MFAP4: variants seen among roughly 807,000 people sequenced by gnomAD.
The protein encoded by MFAP4 is microfibril-associated glycoprotein 4.
MFAP4 carries 20 observed loss-of-function variants against 32.4 expected under a neutral mutation model. The observed-to-expected ratio is 0.62, with a 90% CI of 0.43 to 0.90. The LOEUF (loss-of-function observed/expected upper bound fraction) is 0.90, where lower values mean the gene tolerates loss of function less well. MFAP4 is among the 40% of genes least tolerant of loss of function. The pLI, the probability that MFAP4 is intolerant of heterozygous loss-of-function variation, is 0.00. For synonymous variants in MFAP4, 146 were observed against 137.4 expected (o/e 1.06, Z -0.44); for missense variants, 267 against 329.5 (o/e 0.81, Z 1.47).
intron 2 of MFAP4, 65 bp from the exon 3 acceptor site, chr17:19,386,529 C>T (rs1264571119): frequency 1.4e-5 from 21 of 1,552,638 alleles, no homozygotes; most frequent in Non-Finnish European, 1.8e-5. Context: ...ACCTCAGCAC[C>T]CCAAGGTTTG....
At chr17:19,385,538 C>T (rs777619218) in intron 3 of MFAP4, 84 bp from the exon 4 acceptor site, 2 of 1,269,058 alleles carry the variant, frequency 1.6e-6, no homozygotes, top group Non-Finnish European at 2.3e-6. Context: ...AAGCATGGAC[C>T]CTGTGATGCT....
Position 19,384,362 on chromosome 17 carries a change from C to A in MFAP4, c.*100G>T. 7.2e-7 allele frequency: 1 copy of A among 1,391,590 alleles called. No homozygotes were observed. Among genetic ancestry groups the A allele is most frequent in the South Asian group, 1.4e-5 (1 of 71,454 alleles). 86.2% of individuals were successfully genotyped at this position (1,391,590 alleles called of 1,614,324 possible). ...AAGGCCCCCTTGTAAGGAGTTGGTG[C>A]TCGGGAATCAGCAGAAGCATGCATC... On this transcript the variant is annotated 3_prime_UTR_variant, in exon 6 of 6. Coordinates refer to ENST00000299610, the MANE Select transcript of MFAP4 (RefSeq NM_002404.3).
At chr17:19,384,948 G>T in intron 5 of MFAP4, 151 bp downstream of exon 5, 1 of 1,118,868 alleles carries the variant, frequency 8.9e-7, no homozygotes, top group Non-Finnish European at 1.3e-6. Context: ...TGAGGCCCAA[G>T]CTGGTTTGAG....
chr17:19,386,389 A>T lies in MFAP4; in HGVS notation c.161T>A (p.Val54Glu). 1 of 1,613,832 alleles carries T rather than the reference A, an allele frequency of 6.2e-7. No homozygotes were observed. Among genetic ancestry groups the T allele is most frequent in the South Asian group, 1.1e-5 (1 of 91,018 alleles). The change falls in exon 3 of 6, where the codon GTG (valine) becomes GAG (glutamate). Residue 54 changes from valine to glutamate, a missense_variant. Val to Glu is a moderately radical substitution (Grantham distance 121). This residue lies in a region of MFAP4 where 223 missense variants were observed against 253.3 expected (regional missense o/e 0.88). Coordinates refer to ENST00000299610, the MANE Select transcript of MFAP4 (RefSeq NM_002404.3). Reference protein sequence around the residue: ...IYAQGYQSDGVYLIYPSGPSV... With the variant: ...IYAQGYQSDGEYLIYPSGPSV... Reference sequence around the variant, plus strand: ...GGGGCCCGAGGGGTAGATGAGGTACACGCCGTCTGACTGGTAGCCCTGGGC... The same window carrying T: ...GGGGCCCGAGGGGTAGATGAGGTACTCGCCGTCTGACTGGTAGCCCTGGGC...
chr17:19,384,268 G>A lies in MFAP4; in HGVS notation c.*194C>T. The A allele has an allele frequency of 1.6e-6, 1 of 639,468 alleles. No individual in the cohort carries two copies. Among genetic ancestry groups the A allele is most frequent in the Non-Finnish European group, 2.7e-6 (1 of 376,908 alleles). The allele number at this position is 639,468 out of a possible 1,614,324, so 39.6% of individuals were successfully genotyped here. On this transcript the variant is annotated 3_prime_UTR_variant, in exon 6 of 6. Transcript: ENST00000299610. ...CTGGCAGTGTAACTTCAGGTGTAGG[G>A]GAGCCGGGTCTGGCTTAGGAATGGA... is the stretch of plus-strand genomic sequence containing the variant.
rs1305010927 is a variant in MFAP4 at position 19,386,846 on chromosome 17, T to C, written c.7-8A>G. ...CGGCAGGGCCAGGAGTGCCTGGCGATGGGCAGACAGGGTCAGCACAGCCCC... is the reference window on the plus strand; with the variant it reads ...CGGCAGGGCCAGGAGTGCCTGGCGACGGGCAGACAGGGTCAGCACAGCCCC... On this transcript the variant is annotated splice_region_variant and splice_polypyrimidine_tract_variant and intron_variant, in intron 1 of 5. Coordinates refer to ENST00000299610, the MANE Select transcript of MFAP4 (RefSeq NM_002404.3). 1 of 1,557,264 alleles carries C rather than the reference T, an allele frequency of 6.4e-7. No individual in the cohort carries two copies. Among genetic ancestry groups the C allele is most frequent in the South Asian group, 1.2e-5 (1 of 84,446 alleles).
At chr17:19,385,052 C>T (rs1912974870) in intron 5 of MFAP4, 47 bp downstream of exon 5, 3 of 1,586,082 alleles carry the variant, frequency 1.9e-6, no homozygotes, top group African/African-American at 1.3e-5. Context: ...GCCAGCCCTG[C>T]CTTCTTTCCC....
chr17:19,385,034 TGG>T lies in MFAP4; in HGVS notation c.520+63_520+64del, dbSNP rs1341513446. ...GGGCCTGAAGGAGGTTGGGGCTGACTGGGCAGGGCCAGCCCTGCCTTCTTTCC... is the reference window on the plus strand; with the variant it reads ...GGGCCTGAAGGAGGTTGGGGCTGACTGCAGGGCCAGCCCTGCCTTCTTTCC... On this transcript the variant is annotated intron_variant, in intron 5 of 5. Transcript: ENST00000299610. 1.9e-6 allele frequency: 3 copies of T among 1,540,966 alleles called. No homozygotes were observed. The African/African-American group carries it at 4.1e-5, about 21-fold the overall frequency.
In MFAP4 at chr17:19,383,756, A is replaced by G. The variant is rs1309385508; in HGVS notation, c.*706T>C. On this transcript the variant is annotated 3_prime_UTR_variant, in exon 6 of 6. Coordinates refer to ENST00000299610, the MANE Select transcript of MFAP4 (RefSeq NM_002404.3). ...GCTCCCTCATGTGGCTAAACCTCTCAACACCCAGAGGGTATGGGGAAGACC... is the reference window on the plus strand; with the variant it reads ...GCTCCCTCATGTGGCTAAACCTCTCGACACCCAGAGGGTATGGGGAAGACC... The G allele has an allele frequency of 6.5e-6, 1 of 153,812 alleles. No individual in the cohort carries two copies. The highest frequency in any genetic ancestry group is 1.4e-5 in the Non-Finnish European group (1 of 69,268). The allele number at this position is 153,812 out of a possible 1,614,324, so 9.5% of individuals were successfully genotyped here.
In MFAP4 at chr17:19,386,291, G is replaced by C. The variant is rs1300550945; in HGVS notation, c.240+19C>G. 6.4e-7 allele frequency: 1 copy of C among 1,569,506 alleles called. No homozygotes were observed. The highest frequency in any genetic ancestry group is 1.9e-5 in the Admixed American group (1 of 53,896). ...GGGATTAGAACCAGCTCTGGCCTCT[G>C]TTCCCTCCTCCCACTCACCGTCCAC... is the stretch of plus-strand genomic sequence containing the variant. On this transcript the variant is annotated intron_variant, in intron 3 of 5. Transcript: ENST00000299610.
chr17:19,385,020 A>AGGTT lies in MFAP4; in HGVS notation c.520+75_520+78dup. ...AAGGGTTGAAGGAGGGGCCTGAAGG[A>AGGTT]GGTTGGGGCTGACTGGGCAGGGCCA... On this transcript the variant is annotated intron_variant, in intron 5 of 5. Transcript: ENST00000299610. 5 of 1,494,802 alleles carry AGGTT rather than the reference A, an allele frequency of 3.3e-6. No individual in the cohort carries two copies. In the South Asian group the frequency reaches 6.4e-5, roughly 19 times the overall value. The allele number at this position is 1,494,802 out of a possible 1,614,324, so 92.6% of individuals were successfully genotyped here. A position where few individuals can be genotyped will look rare whatever the true frequency, so the allele number is the denominator to read the frequency against.
At chr17:19,385,686 C>T (rs899809369) in intron 3 of MFAP4, among the ~76,000 whole-genome samples, 3 of 152,194 alleles carry the variant, frequency 2.0e-5, no homozygotes, top group Non-Finnish European at 1.5e-5. Context: ...TACCCAGTTT[C>T]GTATAGAGGC....
At chr17:19,386,972 T>TGCGTGGGGCCCCCCCC in intron 1 of MFAP4, 134 bp from the exon 2 acceptor site, 1 of 937,014 alleles carries the variant, frequency 1.1e-6, no homozygotes, top group Non-Finnish European at 1.7e-6. Flanking sequence ...TGGCCCCTCT[T>TGCGTGGGGCCCCCCCC]CCCTGCCCCC....
chr17:19,386,557 G>C (rs1164714011), intron 2 of MFAP4, 93 bp from the exon 3 acceptor site: 1 of 1,416,388 alleles, frequency 7.1e-7, no homozygotes, highest in Non-Finnish European at 9.8e-7. Context: ...CCCTGGGGCT[G>C]GGGGACTTTG....
At chr17:19,386,960 T>C (rs1913062061) in intron 1 of MFAP4, 122 bp from the exon 2 acceptor site, 2 of 1,382,148 alleles carry the variant, frequency 1.4e-6, no homozygotes, top group African/African-American at 2.9e-5. Flanking sequence ...TCTCCTGCTA[T>C]TTGGCCCCTC....
intron 5 of MFAP4, 126 bp downstream of exon 5, chr17:19,384,973 G>T: frequency 7.7e-7 from 1 of 1,296,284 alleles, no homozygotes. Flanking sequence ...TTTGGAGCCA[G>T]CTGTGGCCCT....
In MFAP4 at chr17:19,386,837, G is replaced by A. The variant is rs1399872343; in HGVS notation, c.8C>T (p.Ala3Val). 2 of 1,559,386 alleles carry A rather than the reference G, an allele frequency of 1.3e-6. No homozygotes were observed. Among genetic ancestry groups the A allele is most frequent in the African/African-American group, 1.4e-5 (1 of 73,460 alleles). MK[A>V]LLALPLLLLL... is the part of the protein sequence containing the mutation. ...CAGCAGCAGCGGCAGGGCCAGGAGTGCCTGGCGATGGGCAGACAGGGTCAG... is the reference window on the plus strand; with the variant it reads ...CAGCAGCAGCGGCAGGGCCAGGAGTACCTGGCGATGGGCAGACAGGGTCAG... The change falls in exon 2 of 6, where the codon GCA (alanine) becomes GTA (valine). Residue 3 changes from alanine to valine, a missense_variant and splice_region_variant. Ala to Val is a moderately conservative substitution (Grantham distance 64). Around this residue, in one of 3 missense-constraint regions of MFAP4, gnomAD observed 223 missense variants for 253.3 expected, o/e 0.88. Transcript: ENST00000299610.
At chr17:19,385,718 G>A (rs2152295844) in intron 3 of MFAP4, among the ~76,000 whole-genome samples, 1 of 152,334 alleles carries the variant, frequency 6.6e-6, no homozygotes, top group South Asian at 2.1e-4. Context: ...TAAGAGGGAG[G>A]CGTTCTAGAG....
At position 19,385,549 on chromosome 17, in the gene MFAP4, G is replaced by A. The variant is rs1913003320; in HGVS notation, c.241-95C>T. ...CCTCAAGCATGGACCCTGTGATGCT[G>A]TGGCCAGTTTGTTAAAGGACTGGGT... On this transcript the variant is annotated intron_variant, in intron 3 of 5. Transcript: ENST00000299610. 5 of 1,138,692 alleles carry A rather than the reference G, an allele frequency of 4.4e-6. No homozygotes were observed. The African/African-American group carries it at 4.6e-5, about 10-fold the overall frequency. The allele number at this position is 1,138,692 out of a possible 1,614,324, so 70.5% of individuals were successfully genotyped here.
Sources: gnomAD v4.1 joint callset for allele counts (sites outside exome capture counted in the v4.1 genomes callset) on GRCh38, gnomAD v4.1.1 for gene constraint, gnomAD v4.1.1 regional missense constraint, MANE v1.5 for transcripts, NCBI Gene and HGNC (gene_info 2026-07-23, HGNC 2026-07-21) for gene names.